ITGB7: variants seen among roughly 807,000 people sequenced by gnomAD.
ITGB7 encodes the protein integrin subunit beta 7, also known as integrin beta-7.
In ITGB7, 55 loss-of-function variants were observed where a neutral mutation model predicts 83.4. The observed-to-expected ratio is 0.66, with a 90% CI of 0.53 to 0.83. The LOEUF is 0.83. Ranked by LOEUF, ITGB7 falls within the 40% of genes least tolerant of loss-of-function variation. ITGB7 has a pLI of 0.00. For missense variants in ITGB7, 921 were observed against 1,046.7 expected (o/e 0.88, Z 1.66); for synonymous variants, 454 against 423.6 (o/e 1.07, Z -0.88).
chr12:53,191,961 C>T lies in ITGB7; in HGVS notation c.2214G>A (p.Val738=). Residue 738 remains valine, a synonymous_variant, in exon 15 of 16, where the codon GTG becomes GTA. Coordinates refer to ENST00000267082, the MANE Select transcript of ITGB7 (RefSeq NM_000889.3). The part of the protein sequence containing the change: ...VLGCVGGIVA[V]GLGLVLAYRL... ...GGTAAGCCAGGACCAGCCCCAGCCCCACTGCCACGATGCCCCCTACGCAGC... is the reference window on the plus strand; with the variant it reads ...GGTAAGCCAGGACCAGCCCCAGCCCTACTGCCACGATGCCCCCTACGCAGC... 1 of 1,612,194 alleles carries T rather than the reference C, an allele frequency of 6.2e-7. No individual in the cohort carries two copies. The highest frequency in any genetic ancestry group is 1.7e-5 in the Admixed American group (1 of 59,998).
intron 1 of ITGB7, among the ~76,000 whole-genome samples, chr12:53,204,462 C>T (rs1359924901): frequency 3.3e-5 from 5 of 151,542 alleles, no homozygotes; most frequent in African/African-American, 1.2e-4. Flanking sequence ...TGAACAAAAC[C>T]ATTCATGAAA....
intron 3 of ITGB7, among the ~76,000 whole-genome samples, chr12:53,198,158 C>A (rs186863295): frequency 6.6e-6 from 1 of 152,272 alleles, no homozygotes; most frequent in East Asian, 1.9e-4. Context: ...GAGACGGAGT[C>A]TCACTCTGTC....
rs1356236921 is a variant in ITGB7, at chr12:53,197,613, C to T, written c.454G>A (p.Val152Met). ...VRFLRAEGYP[V>M]DLYYLMDLSY... ...AGGTCCATAAGGTAGTACAGGTCCA[C>T]CGGGTATCCCTCAGCACGAAGGAAG... Residue 152 changes from valine to methionine, a missense_variant, in exon 5 of 16, where the codon GTG becomes ATG. Transcript: ENST00000267082. The T allele has an allele frequency of 1.9e-6, 3 of 1,614,060 alleles. No individual in the cohort carries two copies. Among genetic ancestry groups the T allele is most frequent in the East Asian group, 2.2e-5 (1 of 44,886 alleles).
chr12:53,194,009 C>A, intron 10 of ITGB7, 108 bp from the exon 11 acceptor site: 1 of 1,304,084 alleles, frequency 7.7e-7, no homozygotes, highest in Non-Finnish European at 1.1e-6. Flanking sequence ...GGGATGGGGT[C>A]ATGTTAACAC....
At chr12:53,204,317 T>A (rs1161834342) in intron 1 of ITGB7, among the ~76,000 whole-genome samples, 1 of 150,426 alleles carries the variant, frequency 6.6e-6, no homozygotes, top group African/African-American at 2.5e-5. Context: ...GAGGCGGAGG[T>A]TGCAGTGAGC....
At chr12:53,192,624 C>T in intron 13 of ITGB7, 67 bp downstream of exon 13, 2 of 1,595,850 alleles carry the variant, frequency 1.3e-6, no homozygotes, top group Non-Finnish European at 8.6e-7. Context: ...GGAGAGTAGG[C>T]AGATGGGAGT....
chr12:53,194,054 A>G (rs1447093807), intron 10 of ITGB7, 144 bp downstream of exon 10: 11 of 1,365,996 alleles, frequency 8.1e-6, no homozygotes, highest in African/African-American at 4.3e-5. Flanking sequence ...GAAGCCACTC[A>G]GACTGCTCCA....
chr12:53,194,219 G>T lies in ITGB7; in HGVS notation c.1287C>A (p.Asn429Lys). The change falls in exon 10 of 16, where the codon AAC (asparagine) becomes AAA (lysine). Residue 429 changes from asparagine to lysine, a missense_variant. Physicochemically the swap from Asn to Lys is moderately conservative, Grantham distance 94 (BLOSUM62 0). Coordinates refer to ENST00000267082, the MANE Select transcript of ITGB7 (RefSeq NM_000889.3). ...EGKAEDRGQC[N>K]HVRINQTVTF... ...TCACCGTCTGGTTGATTCGGACGTG[G>T]TTGCACTGTCCTCGATCCTCAGCCT... 1 of 1,614,018 alleles carries T rather than the reference G, an allele frequency of 6.2e-7. No homozygotes were observed. Among genetic ancestry groups the T allele is most frequent in the Non-Finnish European group, 8.5e-7 (1 of 1,180,006 alleles).
Position 53,193,843 on chromosome 12 carries a change from C to T in ITGB7, c.1367G>A (p.Arg456Lys). Reference protein sequence around the residue: ...THCLPEPHLLRLRALGFSEEL... With the variant: ...THCLPEPHLLKLRALGFSEEL... ...CTCTGAGAAGCCAAGGGCCCGGAGC[C>T]TCAGGAGATGGGGCTCTGGGAGGCA... The change falls in exon 11 of 16, where the codon AGG becomes AAG. Residue 456 changes from arginine (R) to lysine (K), a missense_variant. Coordinates refer to ENST00000267082, the MANE Select transcript of ITGB7 (RefSeq NM_000889.3). The T allele has an allele frequency of 1.2e-6, 2 of 1,614,078 alleles. No homozygotes were observed. The highest frequency in any genetic ancestry group is 8.5e-7 in the Non-Finnish European group (1 of 1,179,996).
rs769711213 is a variant in ITGB7 at position 53,192,732 on chromosome 12, G to A, written c.1905C>T (p.Cys635=). ...GTGTCTTGCAGCCTGGGCATTGGTC[G>A]CATAGAGCACCATAGTAGCCGTCCA... ...QCLDGYYGAL[C]DQCPGCKTPC... is the part of the protein sequence containing the mutation. The change falls in exon 13 of 16, where the codon TGC becomes TGT. Residue 635 remains cysteine, a synonymous_variant. Coordinates refer to ENST00000267082, the MANE Select transcript of ITGB7 (RefSeq NM_000889.3). 66 of 1,614,046 alleles carry A rather than the reference G, an allele frequency of 4.1e-5. No homozygotes were observed. In the Middle Eastern group the frequency reaches 4.9e-4, roughly 12 times the overall value.
At chr12:53,192,662 C>T in intron 13 of ITGB7, 29 bp downstream of exon 13, 1 of 1,606,952 alleles carries the variant, frequency 6.2e-7, no homozygotes, top group Non-Finnish European at 8.5e-7. Flanking sequence ...TGTGCCCCTG[C>T]TCCCAAGATG....
intron 9 of ITGB7, 52 bp from the exon 10 acceptor site, chr12:53,194,396 A>T: frequency 6.3e-7 from 1 of 1,578,744 alleles, no homozygotes; most frequent in Non-Finnish European, 8.7e-7. Flanking sequence ...AAGGACTCCA[A>T]CCCCACCTTA....
Position 53,200,402 on chromosome 12 carries a change from C to G in ITGB7, c.42G>C (p.Leu14=). 1 of 1,614,192 alleles carries G rather than the reference C, an allele frequency of 6.2e-7. No individual in the cohort carries two copies. The change falls in exon 3 of 16, where the codon CTG becomes CTC. Residue 14 remains leucine, a synonymous_variant. Transcript: ENST00000267082. ...LPMVLVLLLV[L]SRGESELDAK... The stretch of plus-strand genomic sequence containing the variant: ...CGTCCAATTCACTCTCACCTCTGCT[C>G]AGGACCAGCAGCAAAACAAGGACCA...
At position 53,192,408 on chromosome 12, in the gene ITGB7, G is replaced by A. The variant is rs1285137487; in HGVS notation, c.2077C>T (p.Leu693=). ...LDDGWCKERT[L]DNQLFFFLVE... ...AAGAAGAAGAACAGCTGGTTGTCCA[G>A]GGTCCGCTCTTTGCACCAGCCATCA... is the stretch of plus-strand genomic sequence containing the variant. The change falls in exon 14 of 16, where the codon CTG becomes TTG. Residue 693 remains leucine, a synonymous_variant. Transcript: ENST00000267082. 3.7e-6 allele frequency: 6 copies of A among 1,613,992 alleles called. No individual in the cohort carries two copies. Among genetic ancestry groups the A allele is most frequent in the East Asian group, 2.2e-5 (1 of 44,892 alleles).
rs766799572 is a variant in ITGB7 at position 53,196,813 on chromosome 12, A to C, written c.582T>G (p.Gly194=). ...EVTHSVRIGF[G]SFVDKTVLPF... ...GCAGCACCGTTTTGTCCACAAAGGA[A>C]CCAAAACCTGGGAGAGGAGAGGAAT... The change falls in exon 6 of 16, where the codon GGT becomes GGG. Residue 194 remains glycine (G), a synonymous_variant. Coordinates refer to ENST00000267082, the MANE Select transcript of ITGB7 (RefSeq NM_000889.3). 7 of 1,594,904 alleles carry C rather than the reference A, an allele frequency of 4.4e-6. No homozygotes were observed. Among genetic ancestry groups the C allele is most frequent in the Non-Finnish European group, 6.0e-6 (7 of 1,164,644 alleles).
In ITGB7 at chr12:53,191,928, C is replaced by T. The variant is rs771753910; in HGVS notation, c.2247G>A (p.Ser749=). ...ATTCCCGGCGGTCATAGATTTCCAC[C>T]GAGAGCCGGTAAGCCAGGACCAGCC... is the stretch of plus-strand genomic sequence containing the variant. The part of the protein sequence containing the change: ...GLGLVLAYRL[S]VEIYDRREYS... The change falls in exon 15 of 16, where the codon TCG becomes TCA. Residue 749 remains serine, a synonymous_variant. Coordinates refer to ENST00000267082, the MANE Select transcript of ITGB7 (RefSeq NM_000889.3). 25 of 1,611,016 alleles carry T rather than the reference C, an allele frequency of 1.6e-5. No homozygotes were observed. Among genetic ancestry groups the T allele is most frequent in the African/African-American group, 1.5e-4 (11 of 74,896 alleles).
At chr12:53,194,081 G>A (rs1006427348) in intron 10 of ITGB7, 117 bp downstream of exon 10, 17 of 1,454,006 alleles carry the variant, frequency 1.2e-5, no homozygotes, top group Non-Finnish European at 1.4e-5. Context: ...ATGGATGGAG[G>A]ACTACCTCAG....
At chr12:53,193,530 A>C (rs893077811) in intron 11 of ITGB7, 167 bp from the exon 12 acceptor site, 24 of 732,256 alleles carry the variant, frequency 3.3e-5, no homozygotes, top group Non-Finnish European at 5.1e-5. Flanking sequence ...GAGTGGAGGG[A>C]GCCCCAGTCA....
At position 53,191,567 on chromosome 12, in the gene ITGB7, G is replaced by A. The variant is rs745529299; in HGVS notation, c.2386C>T (p.Pro796Ser). 2 of 1,611,538 alleles carry A rather than the reference G, an allele frequency of 1.2e-6. No homozygotes were observed. Among genetic ancestry groups the A allele is most frequent in the Non-Finnish European group, 1.7e-6 (2 of 1,177,742 alleles). The change falls in exon 16 of 16, where the codon CCC becomes TCC. Residue 796 changes from proline to serine, a missense_variant. Pro to Ser is a moderately conservative substitution (Grantham distance 74). Transcript: ENST00000267082. ...TGTCCCTCCCTCCTTCAGAGAGTGG[G>A]ACTGTCTGCCTCTTGAAAGCGAGGA... ...INPRFQEADSPTL is the reference protein window; with the variant it reads ...INPRFQEADSSTL
Sources: allele counts gnomAD v4.1 joint callset (sites outside exome capture counted in the v4.1 genomes callset), GRCh38; gene constraint gnomAD v4.1.1; transcripts MANE v1.5; gene names NCBI Gene and HGNC (gene_info 2026-07-23, HGNC 2026-07-21).